Variants in C12orf42 observed in about 807,000 individuals in gnomAD.
C12orf42 encodes chromosome 12 open reading frame 42, also known as uncharacterized protein C12orf42.
A neutral mutation model predicts 21.6 loss-of-function variants in C12orf42; 25 were observed. That is an observed-to-expected ratio of 1.16 (90% CI 0.84 to 1.62). The LOEUF (loss-of-function observed/expected upper bound fraction) is 1.62. Ranked by LOEUF, C12orf42 falls within the 40% of genes most tolerant of loss-of-function variation. C12orf42 has a pLI of 0.00. For missense variants in C12orf42, 483 were observed against 459.3 expected, an observed-to-expected ratio of 1.05 and a Z score of -0.47; for synonymous variants, 174 against 175.0, an observed-to-expected ratio of 0.99 and a Z score of 0.05.
intron 4 of C12orf42, among the ~76,000 whole-genome samples, chr12:103,365,771 G>T (rs1805093759): frequency 6.6e-6 from 1 of 151,936 alleles, no homozygotes; most frequent in Admixed American, 6.6e-5. Flanking sequence ...CCTAACCAAG[G>T]AGGTGAAAGA....
At chr12:103,501,179 G>A in the C12orf42 span, among the ~76,000 whole-genome samples, 2 of 152,216 alleles carry the variant, frequency 1.3e-5, no homozygotes, top group South Asian at 2.1e-4. Flanking sequence ...TGGAGTGGAT[G>A]AAAGGCATGG....
the C12orf42 span, among the ~76,000 whole-genome samples, chr12:103,541,733 T>C: frequency 2.0e-5 from 3 of 152,236 alleles, no homozygotes; most frequent in East Asian, 5.8e-4. Context: ...TGTCTCTTGA[T>C]TGTATTATTT....
chr12:103,298,641 A>C (rs1177036760), downstream of C12orf42, among the ~76,000 whole-genome samples: 3 of 148,926 alleles, frequency 2.0e-5, no homozygotes, highest in Non-Finnish European at 4.5e-5. Flanking sequence ...CACTCTGGCC[A>C]AGTGGTAGGA....
the C12orf42 span, among the ~76,000 whole-genome samples, chr12:103,093,680 A>C: frequency 6.6e-6 from 1 of 152,134 alleles, no homozygotes. Flanking sequence ...ATCATCCTTA[A>C]CCAAGCCCAT....
chr12:103,216,197 A>G, the C12orf42 span, among the ~76,000 whole-genome samples: 90 of 152,246 alleles, frequency 5.9e-4, no homozygotes, highest in Admixed American at 1.6e-3. Context: ...CAACACAATT[A>G]TTGGATTCTA....
the C12orf42 span, among the ~76,000 whole-genome samples, chr12:103,506,892 A>ATATTATATATATATATATAT: frequency 3.8e-5 from 1 of 26,042 alleles, no homozygotes; most frequent in South Asian, 1.7e-3. Flanking sequence ...TATATTAAAT[A>ATATTATATATATATATATAT]TATATTTATA....
the C12orf42 span, among the ~76,000 whole-genome samples, chr12:103,217,587 G>A: frequency 1.3e-5 from 2 of 150,190 alleles, no homozygotes; most frequent in Non-Finnish European, 3.0e-5. Context: ...TTTTTCTGCT[G>A]TTACTGCTCA....
intron 2 of C12orf42, among the ~76,000 whole-genome samples, chr12:103,465,236 T>A (rs1311995927): frequency 1.3e-5 from 2 of 152,214 alleles, no homozygotes; most frequent in African/African-American, 4.8e-5. Flanking sequence ...TCCATGAGCA[T>A]GGAATGTTTT....
In C12orf42 at chr12:103,401,684, T is replaced by A. The variant is rs1312653403; in HGVS notation, c.79-9A>T. 6.2e-7 allele frequency: 1 copy of A among 1,612,360 alleles called. No homozygotes were observed. Among genetic ancestry groups the A allele is most frequent in the Non-Finnish European group, 8.5e-7 (1 of 1,178,758 alleles). On this transcript the variant is annotated splice_polypyrimidine_tract_variant and intron_variant, in intron 2 of 5. Coordinates refer to ENST00000548883, the MANE Select transcript of C12orf42 (RefSeq NM_198521.5). ...ATATAGCAAGGGGATTTCTGAAACA[T>A]TAGAAACAAGGCATTTAGTATCACT...
At chr12:103,123,280 C>T in the C12orf42 span, among the ~76,000 whole-genome samples, 2 of 152,236 alleles carry the variant, frequency 1.3e-5, no homozygotes, top group East Asian at 3.9e-4. Context: ...CAAGCCATTG[C>T]AGGTAGGGAG....
At chr12:103,436,345 A>G (rs1252955388) in intron 2 of C12orf42, among the ~76,000 whole-genome samples, 2 of 152,180 alleles carry the variant, frequency 1.3e-5, no homozygotes, top group Non-Finnish European at 2.9e-5. Flanking sequence ...TACATCAACT[A>G]ACAAGCAAAA....
At chr12:103,393,601 G>GTATCAC (rs1174730295) in intron 3 of C12orf42, among the ~76,000 whole-genome samples, 8 of 152,030 alleles carry the variant, frequency 5.3e-5, no homozygotes, top group Admixed American at 2.0e-4. Flanking sequence ...TTTCTCTATA[G>GTATCAC]TATCACTATC....
At chr12:103,326,888 T>C (rs535923270) in intron 4 of C12orf42, among the ~76,000 whole-genome samples, 3 of 152,356 alleles carry the variant, frequency 2.0e-5, no homozygotes, top group Non-Finnish European at 2.9e-5. Context: ...TGCACTAGAA[T>C]GTACGCTCCA....
chr12:103,354,413 C>T (rs2043350250), intron 4 of C12orf42, among the ~76,000 whole-genome samples: 1 of 152,120 alleles, frequency 6.6e-6, no homozygotes, highest in South Asian at 2.1e-4. Flanking sequence ...TATGCTACTT[C>T]AAAGACTGAG....
At chr12:103,253,304 A>G (rs116169736) in intron 10 of C12orf42, among the ~76,000 whole-genome samples, 2,431 of 148,942 alleles carry the variant, frequency 0.016, 62 homozygotes, top group African/African-American at 0.053. Flanking sequence ...TTTTTGTTCT[A>G]TTTGAAATTT....
chr12:103,320,958 C>T (rs1338481885), intron 4 of C12orf42, among the ~76,000 whole-genome samples: 2 of 152,060 alleles, frequency 1.3e-5, no homozygotes, highest in East Asian at 1.9e-4. Flanking sequence ...TTTCTGAATC[C>T]AGCCCAGTGC....
chr12:103,088,885 C>T, the C12orf42 span, among the ~76,000 whole-genome samples: 537 of 152,096 alleles, frequency 3.5e-3, 5 homozygotes, highest in African/African-American at 0.012. Context: ...GGCCAGATCA[C>T]GAGGTCAGGA....
the C12orf42 span, among the ~76,000 whole-genome samples, chr12:103,132,259 G>A: frequency 6.6e-6 from 1 of 152,122 alleles, no homozygotes; most frequent in African/African-American, 2.4e-5. Context: ...CAACCGAAAA[G>A]TGATAGCAAA....
the C12orf42 span, among the ~76,000 whole-genome samples, chr12:103,223,249 G>A: frequency 5.3e-5 from 8 of 152,112 alleles, no homozygotes; most frequent in African/African-American, 1.9e-4. Flanking sequence ...GCTTCAAGTG[G>A]GATTAGGGGC....
Sources: gnomAD v4.1 joint callset for allele counts (sites outside exome capture counted in the v4.1 genomes callset) on GRCh38, gnomAD v4.1.1 for gene constraint, MANE v1.5 for transcripts, NCBI Gene and HGNC (gene_info 2026-07-23, HGNC 2026-07-21) for gene names.